SH3GL2: variants seen among roughly 807,000 people sequenced by gnomAD.
The protein encoded by SH3GL2 is SH3 domain containing GRB2 like 2, endophilin A1, also known as endophilin-A1.
SH3GL2 carries 24 observed loss-of-function variants against 46.0 expected under a neutral mutation model. The ratio of observed to expected loss-of-function variants is 0.52; its 90% CI spans 0.38 to 0.73. SH3GL2 has a LOEUF of 0.73. Among genes scored for constraint, SH3GL2 ranks in the 30% least tolerant of loss-of-function variants. The pLI, the probability that SH3GL2 is intolerant of heterozygous loss-of-function variation, is 0.00. For missense variants in SH3GL2, 413 were observed against 424.2 expected (o/e 0.97, Z 0.23); for synonymous variants, 196 against 147.1 (o/e 1.33, Z -2.40).
rs1395195860 is a variant in SH3GL2, at chr9:17,780,729, T to C, written c.188-5652T>C. Among the ~76,000 whole-genome samples, 18 of 74,600 alleles carry C rather than the reference T, an allele frequency of 2.4e-4. No homozygotes were observed. In the Admixed American group the frequency reaches 2.7e-3, roughly 11 times the overall value. 48.9% of individuals were successfully genotyped at this position (74,600 alleles called of 152,430 possible). ...CCCACCTATGAGTGAGAATATGCGG[T>C]GTTTGGTTTTTTGTTCTTGCGATAG... is the stretch of plus-strand genomic sequence containing the variant. On this transcript the variant is annotated intron_variant, in intron 3 of 8. Coordinates refer to ENST00000380607, the MANE Select transcript of SH3GL2 (RefSeq NM_003026.5).
intron 1 of SH3GL2, among the ~76,000 whole-genome samples, chr9:17,648,346 G>C (rs1434842820): frequency 3.3e-5 from 5 of 152,194 alleles, no homozygotes; most frequent in Non-Finnish European, 4.4e-5. Flanking sequence ...GATTAACGCT[G>C]TTAGGTAGCC....
intron 1 of SH3GL2, among the ~76,000 whole-genome samples, chr9:17,740,110 A>G (rs7859882): frequency 0.15 from 22,097 of 152,100 alleles, 2,160 homozygotes; most frequent in Middle Eastern, 0.25. Flanking sequence ...AAACTTTCCA[A>G]TTTTCTTAAA....
intron 1 of SH3GL2, among the ~76,000 whole-genome samples, chr9:17,594,562 G>C (rs894738040): frequency 6.6e-6 from 1 of 152,032 alleles, no homozygotes; most frequent in Admixed American, 6.6e-5. Flanking sequence ...CAGGTTGATA[G>C]GTGCACCGAA....
intron 1 of SH3GL2, among the ~76,000 whole-genome samples, chr9:17,745,997 G>A (rs561909778): frequency 6.6e-6 from 1 of 152,158 alleles, no homozygotes; most frequent in East Asian, 1.9e-4. Flanking sequence ...TTGTGTCTTT[G>A]ATAAAACCAG....
At chr9:17,654,094 G>T (rs982717768) in intron 1 of SH3GL2, among the ~76,000 whole-genome samples, 1 of 152,140 alleles carries the variant, frequency 6.6e-6, no homozygotes, top group Non-Finnish European at 1.5e-5. Flanking sequence ...AAGACACGGA[G>T]AGAGCTGCAG....
chr9:17,638,420 C>T (rs947934805), intron 1 of SH3GL2, among the ~76,000 whole-genome samples: 2 of 152,184 alleles, frequency 1.3e-5, no homozygotes, highest in East Asian at 3.9e-4. Flanking sequence ...CTGTATCTTA[C>T]TTACAGTAGA....
At chr9:17,604,449 C>T (rs1168196581) in intron 1 of SH3GL2, among the ~76,000 whole-genome samples, 5 of 152,128 alleles carry the variant, frequency 3.3e-5, no homozygotes, top group Admixed American at 6.5e-5. Context: ...GAATCTTAGC[C>T]GTTTGTTATT....
chr9:17,624,145 T>G (rs1185568774), intron 1 of SH3GL2, among the ~76,000 whole-genome samples: 1 of 152,214 alleles, frequency 6.6e-6, no homozygotes, highest in Non-Finnish European at 1.5e-5. Context: ...CATGATTAGA[T>G]TCAGGGTGAT....
At chr9:17,758,561 C>CAAAAAAAAAAAA (rs57019804) in intron 2 of SH3GL2, among the ~76,000 whole-genome samples, 642 of 29,212 alleles carry the variant, frequency 0.022, 191 homozygotes, top group South Asian at 0.043. Context: ...GACCCTGTCT[C>CAAAAAAAAAAAA]AAAAAAAAAA....
At chr9:17,787,303 C>T (rs546034997) in intron 4 of SH3GL2, 77 bp from the exon 5 acceptor site, 15 of 1,211,362 alleles carry the variant, frequency 1.2e-5, no homozygotes, top group African/African-American at 7.6e-5. Context: ...TTTGGGTTTT[C>T]ATCTGTGAAG....
At chr9:17,705,141 A>T (rs1295855957) in intron 1 of SH3GL2, among the ~76,000 whole-genome samples, 2 of 152,098 alleles carry the variant, frequency 1.3e-5, no homozygotes, top group African/African-American at 4.8e-5. Context: ...ATATAAAAAC[A>T]TGCTCAACAT....
At position 17,590,641 on chromosome 9, in the gene SH3GL2, C is replaced by T. The variant is rs969940697; in HGVS notation, c.45+11354C>T. The stretch of plus-strand genomic sequence containing the variant: ...ATTTTGCAGATATATTTATAGTGCT[C>T]ATCGTCCCTATGTTCTAGACATGGA... On this transcript the variant is annotated intron_variant, in intron 1 of 8. Coordinates refer to ENST00000380607, the MANE Select transcript of SH3GL2 (RefSeq NM_003026.5). 3.9e-5 allele frequency: 6 copies of T among 152,290 alleles called. 1 individual carries two copies. Among genetic ancestry groups the T allele is most frequent in the South Asian group, 4.1e-4 (2 of 4,826 alleles). 9.4% of individuals were successfully genotyped at this position (152,290 alleles called of 1,614,324 possible).
intron 1 of SH3GL2, among the ~76,000 whole-genome samples, chr9:17,646,929 A>G (rs532445972): frequency 6.0e-4 from 91 of 152,198 alleles, no homozygotes; most frequent in Non-Finnish European, 1.2e-3. Flanking sequence ...TGCTCTCTTC[A>G]GAGCCGGCAG....
At chr9:17,754,395 C>T (rs9406692) in intron 2 of SH3GL2, among the ~76,000 whole-genome samples, 8,276 of 151,992 alleles carry the variant, frequency 0.054, 692 homozygotes, top group African/African-American at 0.19. Context: ...AACTTTTGGC[C>T]GGGTGCAGTG....
At chr9:17,756,190 T>C (rs550128079) in intron 2 of SH3GL2, among the ~76,000 whole-genome samples, 1 of 152,300 alleles carries the variant, frequency 6.6e-6, no homozygotes, top group East Asian at 1.9e-4. Flanking sequence ...TGAATAATTA[T>C]TTTGTGCAGT....
intron 1 of SH3GL2, among the ~76,000 whole-genome samples, chr9:17,624,940 G>A (rs1263291729): frequency 6.6e-6 from 1 of 152,168 alleles, no homozygotes; most frequent in Non-Finnish European, 1.5e-5. Context: ...GAACAATTTT[G>A]ATTTGCAATT....
At chr9:17,608,701 A>G (rs911013156) in intron 1 of SH3GL2, among the ~76,000 whole-genome samples, 6 of 152,202 alleles carry the variant, frequency 3.9e-5, no homozygotes, top group African/African-American at 1.4e-4. Context: ...CTCTCCTTAC[A>G]TAAGTGTTTC....
In SH3GL2 at chr9:17,629,092, A is replaced by G. The variant is rs547018772; in HGVS notation, c.45+49805A>G. ...GATGAATTGGGATGTTGACCTTTAT[A>G]GTAGGAGGATTGCGTGGAGTTTGGT... On this transcript the variant is annotated intron_variant, in intron 1 of 8. Transcript: ENST00000380607. Among the ~76,000 whole-genome samples, 9 of 151,936 alleles carry G rather than the reference A, an allele frequency of 5.9e-5. No individual in the cohort carries two copies. The East Asian group carries it at 1.8e-3, about 30-fold the overall frequency.
chr9:17,662,371 G>A (rs2117895589), intron 1 of SH3GL2, among the ~76,000 whole-genome samples: 1 of 152,284 alleles, frequency 6.6e-6, no homozygotes, highest in African/African-American at 2.4e-5. Context: ...AGAATAGCCA[G>A]CTTCATATAG....
Sources: allele counts gnomAD v4.1 joint callset (sites outside exome capture counted in the v4.1 genomes callset), GRCh38; gene constraint gnomAD v4.1.1; transcripts MANE v1.5; gene names NCBI Gene and HGNC (gene_info 2026-07-23, HGNC 2026-07-21).